The following SLC44A3 variants were observed in gnomAD, a reference collection of about 807,000 sequenced individuals.
SLC44A3 encodes the protein choline transporter-like protein 3.
In SLC44A3, 74 loss-of-function variants were observed where a neutral mutation model predicts 75.4. That is an observed-to-expected ratio of 0.98 (90% CI 0.81 to 1.19). The LOEUF is 1.19. Ranked by LOEUF, SLC44A3 falls within the 50% of genes most tolerant of loss-of-function variation. SLC44A3 has a pLI of 0.00. For synonymous variants in SLC44A3, 310 were observed against 296.9 expected, an observed-to-expected ratio of 1.04 and a Z score of -0.45; for missense variants, 700 against 778.6, an observed-to-expected ratio of 0.90 and a Z score of 1.20.
chr1:94,854,684 C>A (rs2101216189), intron 9 of SLC44A3, among the ~76,000 whole-genome samples: 1 of 152,306 alleles, frequency 6.6e-6, no homozygotes, highest in East Asian at 1.9e-4. Flanking sequence ...AGCCAGAGCG[C>A]CCCTGAACGT....
chr1:94,849,347 AC>A (rs1052931939), intron 9 of SLC44A3, among the ~76,000 whole-genome samples: 3 of 151,642 alleles, frequency 2.0e-5, no homozygotes, highest in African/African-American at 2.4e-5. Context: ...CAGAGCCACC[AC>A]CCCCCTTCCC....
At chr1:94,865,756 A>G (rs545233065) in intron 11 of SLC44A3, among the ~76,000 whole-genome samples, 2 of 152,308 alleles carry the variant, frequency 1.3e-5, no homozygotes, top group African/African-American at 4.8e-5. Flanking sequence ...ACCTGATTCC[A>G]ACCTTTTGAG....
intron 14 of SLC44A3, 103 bp from the exon 15 acceptor site, chr1:94,894,715 T>C: frequency 1.1e-6 from 1 of 893,970 alleles, no homozygotes; most frequent in Non-Finnish European, 1.7e-6. Context: ...AGTTAATTCT[T>C]CAGCAAACCG....
At chr1:94,865,672 C>G (rs1667088231) in intron 11 of SLC44A3, among the ~76,000 whole-genome samples, 1 of 152,210 alleles carries the variant, frequency 6.6e-6, no homozygotes, top group African/African-American at 2.4e-5. Flanking sequence ...CCCAAGTCTT[C>G]TGTTCTCACA....
chr1:94,833,459 C>T (rs1479959590), intron 5 of SLC44A3, among the ~76,000 whole-genome samples: 1 of 152,188 alleles, frequency 6.6e-6, no homozygotes, highest in Non-Finnish European at 1.5e-5. Context: ...GTCCCCACAG[C>T]CTTCTACAGG....
rs201953661 is a variant in SLC44A3, at chr1:94,894,744, GT to G, written c.1858-70del. ...CAAACCGTCAGAGGGCAAAGGAGAAGTTTTCCCTCGGCCCCTACGTTATCAA... is the reference window on the plus strand; with the variant it reads ...CAAACCGTCAGAGGGCAAAGGAGAAGTTTCCCTCGGCCCCTACGTTATCAA... On this transcript the variant is annotated intron_variant, in intron 14 of 14. Coordinates refer to ENST00000271227, the MANE Select transcript of SLC44A3 (RefSeq NM_001114106.3). 2.2e-3 allele frequency: 2,855 copies of G among 1,271,324 alleles called. 54 individuals are homozygous for G. The African/African-American group carries it at 0.039, about 17-fold the overall frequency. The allele number at this position is 1,271,324 out of a possible 1,614,324, so 78.8% of individuals were successfully genotyped here.
At chr1:94,828,189 T>A (rs1661632674) in intron 4 of SLC44A3, among the ~76,000 whole-genome samples, 1 of 152,230 alleles carries the variant, frequency 6.6e-6, no homozygotes, top group African/African-American at 2.4e-5. Flanking sequence ...GCCAGATTTT[T>A]AAAAATTATT....
intron 10 of SLC44A3, among the ~76,000 whole-genome samples, chr1:94,863,584 C>T (rs2101401650): frequency 6.6e-6 from 1 of 152,288 alleles, no homozygotes; most frequent in African/African-American, 2.4e-5. Context: ...GTCAGATTTT[C>T]CTGGCCTACA....
intron 12 of SLC44A3, 146 bp from the exon 13 acceptor site, chr1:94,890,984 T>A: frequency 1.7e-6 from 1 of 576,514 alleles, no homozygotes; most frequent in Non-Finnish European, 2.9e-6. Flanking sequence ...ATAATCAGAC[T>A]GGAAAGGACT....
chr1:94,823,720 T>C lies in SLC44A3; in HGVS notation c.136-773T>C, dbSNP rs1005022906. Among the ~76,000 whole-genome samples, 7 of 152,352 alleles carry C rather than the reference T, an allele frequency of 4.6e-5. No homozygotes were observed. The East Asian group carries it at 1.2e-3, about 25-fold the overall frequency. On this transcript the variant is annotated intron_variant, in intron 2 of 14. Coordinates refer to ENST00000271227, the MANE Select transcript of SLC44A3 (RefSeq NM_001114106.3). ...GTGTATTATATCTGTTCTCCTGGAA[T>C]GAACTTGTCAATATAGAGTATTAAA...
At chr1:94,894,731 G>A in intron 14 of SLC44A3, 87 bp from the exon 15 acceptor site, 1 of 1,077,700 alleles carries the variant, frequency 9.3e-7, no homozygotes, top group Non-Finnish European at 1.4e-6. Flanking sequence ...AACCGTCAGA[G>A]GGCAAAGGAG....
chr1:94,850,054 A>G (rs1441491450), intron 9 of SLC44A3, among the ~76,000 whole-genome samples: 1 of 152,110 alleles, frequency 6.6e-6, no homozygotes, highest in Admixed American at 6.5e-5. Flanking sequence ...GTTGTGTCAG[A>G]TGGTTGAATG....
chr1:94,820,395 C>A lies in SLC44A3; in HGVS notation c.-57C>A. The A allele has an allele frequency of 7.0e-7, 1 of 1,427,256 alleles. No individual in the cohort carries two copies. The highest frequency in any genetic ancestry group is 9.1e-7 in the Non-Finnish European group (1 of 1,093,632). 88.4% of individuals were successfully genotyped at this position (1,427,256 alleles called of 1,614,324 possible). The stretch of plus-strand genomic sequence containing the variant: ...GCCCCGGCTCGCGGGCGCTGCGTCT[C>A]CGCGTACAGGAGGCGGCGGCGGCTC... On this transcript the variant is annotated 5_prime_UTR_variant, in exon 1 of 15. Transcript: ENST00000271227.
At chr1:94,868,411 C>G (rs943031535) in intron 12 of SLC44A3, among the ~76,000 whole-genome samples, 21 of 152,104 alleles carry the variant, frequency 1.4e-4, no homozygotes, top group Admixed American at 1.4e-3. Flanking sequence ...AAAAATGTAG[C>G]CTTCTTATAG....
chr1:94,892,595 G>C, intron 14 of SLC44A3, 78 bp downstream of exon 14: 1 of 1,373,788 alleles, frequency 7.3e-7, no homozygotes, highest in Non-Finnish European at 1.0e-6. Flanking sequence ...ACACACGAAA[G>C]AGGCTCATAC....
intron 5 of SLC44A3, among the ~76,000 whole-genome samples, chr1:94,830,586 TATC>T: frequency 6.6e-6 from 1 of 152,256 alleles, no homozygotes; most frequent in South Asian, 2.1e-4. Context: ...AAATGTAAGG[TATC>T]ATAAACACAT....
At chr1:94,831,953 C>T (rs774135896) in intron 5 of SLC44A3, among the ~76,000 whole-genome samples, 6 of 152,148 alleles carry the variant, frequency 3.9e-5, no homozygotes, top group Non-Finnish European at 7.3e-5. Flanking sequence ...GCGGGCAGAT[C>T]ACCTGAGGTC....
intron 9 of SLC44A3, among the ~76,000 whole-genome samples, chr1:94,847,055 G>A (rs1318440520): frequency 6.6e-6 from 1 of 152,264 alleles, no homozygotes; most frequent in African/African-American, 2.4e-5. Flanking sequence ...CTCGCTGAAG[G>A]CCTGCAGTGA....
chr1:94,850,207 G>T (rs1010772967), intron 9 of SLC44A3, among the ~76,000 whole-genome samples: 14 of 151,880 alleles, frequency 9.2e-5, no homozygotes, highest in Non-Finnish European at 1.8e-4. Context: ...TTTTTTTTCA[G>T]CAGGTCATAT....
Sources: gnomAD v4.1 joint callset for allele counts (sites outside exome capture counted in the v4.1 genomes callset) on GRCh38, gnomAD v4.1.1 for gene constraint, MANE v1.5 for transcripts, NCBI Gene and HGNC (gene_info 2026-07-23, HGNC 2026-07-21) for gene names.